Variants in BTAF1 observed in about 807,000 individuals in gnomAD.
BTAF1 encodes B-TFIID TATA-box binding protein associated factor 1, also known as TATA-binding protein-associated factor 172.
A neutral mutation model predicts 227.1 loss-of-function variants in BTAF1; 38 were observed. That is an observed-to-expected ratio of 0.17 (90% CI 0.13 to 0.22). The LOEUF (loss-of-function observed/expected upper bound fraction) is 0.22, where lower values mean the gene tolerates loss of function less well. Among genes scored for constraint, BTAF1 ranks in the 10% least tolerant of loss-of-function variants. The pLI, the probability that BTAF1 is intolerant of heterozygous loss-of-function variation, is 1.00. For synonymous variants in BTAF1, 742 were observed against 751.9 expected, an observed-to-expected ratio of 0.99 and a Z score of 0.21; for missense variants, 1,598 against 2,204.0, an observed-to-expected ratio of 0.73 and a Z score of 5.51.
intron 34 of BTAF1, among the ~76,000 whole-genome samples, chr10:92,020,719 T>C (rs1264477543): frequency 6.6e-6 from 1 of 152,222 alleles, no homozygotes; most frequent in African/African-American, 2.4e-5. Flanking sequence ...TTGCTGTAGG[T>C]CTTTATATAG....
At chr10:91,992,001 C>A in intron 20 of BTAF1, 118 bp from the exon 21 acceptor site, 2 of 690,006 alleles carry the variant, frequency 2.9e-6, no homozygotes, top group Middle Eastern at 4.1e-4. Flanking sequence ...TGTCATTGGC[C>A]TATAAAAGTT....
intron 32 of BTAF1, among the ~76,000 whole-genome samples, chr10:92,015,259 G>T (rs1337679968): frequency 6.6e-6 from 1 of 152,110 alleles, no homozygotes; most frequent in Non-Finnish European, 1.5e-5. Context: ...GTAAGACATG[G>T]CCTCTGGGTC....
rs142399851 is a variant in BTAF1 at position 91,938,991 on chromosome 10, G to A, written c.139-961G>A. 8.5e-4 allele frequency among the ~76,000 whole-genome samples: 62 copies of A among 72,924 alleles called. 1 individual carries two copies. In the East Asian group the frequency reaches 0.014, roughly 16 times the overall value. The allele number at this position is 72,924 out of a possible 152,430, so 47.8% of individuals were successfully genotyped here. ...CCATTTCTGCAAAAAAAAAAAAAAG[G>A]GGGGGGGGATTTTGATAGGAATTGT... On this transcript the variant is annotated intron_variant, in intron 2 of 37. Coordinates refer to ENST00000265990, the MANE Select transcript of BTAF1 (RefSeq NM_003972.3).
rs1352232727 is a variant in BTAF1 at position 91,956,641 on chromosome 10, C to G, written c.815C>G (p.Ser272Cys). ...KVLIDNIPDS[S>C]SLIEETNEWP... ...TTGATTGATAATATTCCAGACAGCT[C>G]TTCCTTAATTGAAGAGGTACTCTTG... The change falls in exon 7 of 38, where the codon TCT (serine) becomes TGT (cysteine). Residue 272 changes from serine (S) to cysteine (C), a missense_variant. Coordinates refer to ENST00000265990, the MANE Select transcript of BTAF1 (RefSeq NM_003972.3). 2 of 1,609,970 alleles carry G rather than the reference C, an allele frequency of 1.2e-6. No homozygotes were observed. Among genetic ancestry groups the G allele is most frequent in the Non-Finnish European group, 1.7e-6 (2 of 1,178,830 alleles).
At chr10:92,028,682 A>T (rs927338195) in intron 37 of BTAF1, 108 bp from the exon 38 acceptor site, 2 of 1,126,910 alleles carry the variant, frequency 1.8e-6, no homozygotes, top group Non-Finnish European at 1.2e-6. Flanking sequence ...GAAGTACTCA[A>T]TTCTGTTGAA....
intron 28 of BTAF1, among the ~76,000 whole-genome samples, chr10:92,009,754 G>T (rs1355928290): frequency 6.6e-6 from 1 of 152,132 alleles, no homozygotes; most frequent in African/African-American, 2.4e-5. Context: ...GGCTGCTTTA[G>T]CTGCCGCTGC....
At position 91,942,569 on chromosome 10, in the gene BTAF1, G is replaced by A. The variant is rs1365426313; in HGVS notation, c.400+1G>A. ...TTTGAAGTCCAAGATGAAAAATCAG[G>A]TCTGTAGTGGTTCTGAGAAGAAAGT... is the stretch of plus-strand genomic sequence containing the variant. On this transcript the variant is annotated splice_donor_variant, in intron 4 of 37. Coordinates refer to ENST00000265990, the MANE Select transcript of BTAF1 (RefSeq NM_003972.3). LOFTEE classifies it high-confidence loss of function. The A allele has an allele frequency of 6.2e-7, 1 of 1,613,886 alleles. No homozygotes were observed. The highest frequency in any genetic ancestry group is 8.5e-7 in the Non-Finnish European group (1 of 1,179,922).
intron 32 of BTAF1, 49 bp downstream of exon 32, chr10:92,014,078 T>C (rs1379593693): frequency 1.3e-6 from 2 of 1,560,212 alleles, no homozygotes; most frequent in African/African-American, 1.4e-5. Flanking sequence ...TATTAGCAGA[T>C]TGTTTTGTAT....
chr10:91,942,660 A>G, intron 4 of BTAF1, 92 bp downstream of exon 4: 1 of 1,368,550 alleles, frequency 7.3e-7, no homozygotes, highest in African/African-American at 1.4e-5. Context: ...CACGTAAACT[A>G]ACATGTCATG....
intron 25 of BTAF1, among the ~76,000 whole-genome samples, chr10:92,004,624 TGCC>T (rs1849757440): frequency 6.6e-6 from 1 of 152,126 alleles, no homozygotes; most frequent in African/African-American, 2.4e-5. Flanking sequence ...TGTGCCACCA[TGCC>T]CAGCTAACTT....
At chr10:91,992,430 T>G in intron 21 of BTAF1, 121 bp downstream of exon 21, 1 of 919,538 alleles carries the variant, frequency 1.1e-6, no homozygotes, top group Non-Finnish European at 1.6e-6. Context: ...GGGATTAATT[T>G]TTGGAGTACT....
At chr10:91,971,023 C>A (rs1169605528) in intron 14 of BTAF1, among the ~76,000 whole-genome samples, 1 of 152,172 alleles carries the variant, frequency 6.6e-6, no homozygotes, top group Non-Finnish European at 1.5e-5. Context: ...CTAGTCTGTT[C>A]CCTTTAGACT....
At chr10:92,022,820 A>T (rs1370590025) in intron 34 of BTAF1, among the ~76,000 whole-genome samples, 4 of 152,198 alleles carry the variant, frequency 2.6e-5, no homozygotes, top group African/African-American at 9.7e-5. Context: ...TTGATCGCAG[A>T]TTTAAGGCAA....
intron 34 of BTAF1, among the ~76,000 whole-genome samples, chr10:92,022,759 T>C (rs1851230466): frequency 1.3e-5 from 2 of 152,214 alleles, no homozygotes; most frequent in Admixed American, 1.3e-4. Flanking sequence ...GTCACGTCTC[T>C]CCTGAGACAC....
In BTAF1 at chr10:91,924,011, G is replaced by C. The variant is rs1843655809; in HGVS notation, c.-66G>C. 3 of 1,577,316 alleles carry C rather than the reference G, an allele frequency of 1.9e-6. No homozygotes were observed. Among genetic ancestry groups the C allele is most frequent in the Middle Eastern group, 1.8e-4 (1 of 5,422 alleles). On this transcript the variant is annotated 5_prime_UTR_variant, in exon 1 of 38. Coordinates refer to ENST00000265990, the MANE Select transcript of BTAF1 (RefSeq NM_003972.3). ...CTGGGCCTGCGCCGCTCAGCTCTCTGGAAACTAGCGCCTCAGCTGCGCGGC... is the reference window on the plus strand; with the variant it reads ...CTGGGCCTGCGCCGCTCAGCTCTCTCGAAACTAGCGCCTCAGCTGCGCGGC...
intron 2 of BTAF1, among the ~76,000 whole-genome samples, chr10:91,936,357 T>G (rs1452910546): frequency 7.0e-6 from 1 of 142,220 alleles, no homozygotes; most frequent in Non-Finnish European, 1.5e-5. Flanking sequence ...AAAGCAGGAG[T>G]GCTTTGTATA....
intron 5 of BTAF1, among the ~76,000 whole-genome samples, chr10:91,953,316 T>C (rs12254369): frequency 0.14 from 21,085 of 152,194 alleles, 1,747 homozygotes; most frequent in East Asian, 0.22. Context: ...TATAGCATGC[T>C]GGACCAATCA....
At chr10:92,001,932 G>A (rs1345013144) in intron 25 of BTAF1, among the ~76,000 whole-genome samples, 2 of 129,030 alleles carry the variant, frequency 1.6e-5, no homozygotes, top group African/African-American at 6.0e-5. Context: ...GGACAACATG[G>A]TGAAACCCTG....
chr10:91,959,740 G>GTGTGTATATATATATATATA, intron 9 of BTAF1, 45 bp from the exon 10 acceptor site: 1 of 225,110 alleles, frequency 4.4e-6, no homozygotes. Flanking sequence ...GTGTGTGTGT[G>GTGTGTATATATATATATATA]TATATATATA....
Sources: allele counts gnomAD v4.1 joint callset (sites outside exome capture counted in the v4.1 genomes callset), GRCh38; gene constraint gnomAD v4.1.1; transcripts MANE v1.5; gene names NCBI Gene and HGNC (gene_info 2026-07-23, HGNC 2026-07-21).